KDM4C: variants seen among roughly 807,000 people sequenced by gnomAD.
The protein encoded by KDM4C is lysine demethylase 4C.
A neutral mutation model predicts 129.3 loss-of-function variants in KDM4C; 81 were observed. The ratio of observed to expected loss-of-function variants is 0.63; its 90% confidence interval spans 0.52 to 0.75. KDM4C has a LOEUF of 0.75. Among genes scored for constraint, KDM4C ranks in the 30% least tolerant of loss-of-function variants. The probability of loss-of-function intolerance (pLI) is 0.00; values close to 1 mark genes in which losing one functional copy is unlikely to be tolerated. For missense variants in KDM4C, 1,457 were observed against 1,304.0 expected, an observed-to-expected ratio of 1.12 and a Z score of -1.81; for synonymous variants, 573 against 456.1, an observed-to-expected ratio of 1.26 and a Z score of -3.26.
intron 17 of KDM4C, among the ~76,000 whole-genome samples, chr9:7,077,622 G>T (rs762803854): frequency 6.6e-6 from 1 of 152,158 alleles, no homozygotes; most frequent in Non-Finnish European, 1.5e-5. Context: ...TGGCTGTACT[G>T]CCTCTGGAAT....
chr9:6,934,708 C>T (rs1012446311), intron 8 of KDM4C, among the ~76,000 whole-genome samples: 9 of 151,552 alleles, frequency 5.9e-5, no homozygotes, highest in African/African-American at 1.9e-4. Flanking sequence ...GTGATCCGCC[C>T]ACCTCGGCCT....
At chr9:6,809,290 C>T (rs925268460) in intron 3 of KDM4C, among the ~76,000 whole-genome samples, 9 of 152,202 alleles carry the variant, frequency 5.9e-5, no homozygotes, top group African/African-American at 1.9e-4. Flanking sequence ...TTCTTTCAGA[C>T]TCTTCCAGAA....
chr9:7,030,886 G>C (rs941312089), intron 15 of KDM4C, among the ~76,000 whole-genome samples: 6 of 151,958 alleles, frequency 3.9e-5, no homozygotes, highest in Admixed American at 6.6e-5. Context: ...GCACTTTATA[G>C]GTTGGAATTC....
chr9:7,038,244 C>G (rs754245835), intron 15 of KDM4C, among the ~76,000 whole-genome samples: 3 of 151,952 alleles, frequency 2.0e-5, no homozygotes, highest in Non-Finnish European at 4.4e-5. Flanking sequence ...TTCTTTAATA[C>G]AAAGGAACTA....
rs540609066 is a variant in KDM4C at position 7,175,112 on chromosome 9, C to CTCTCTCTAGCTCT, written c.*383_*384insTCTCTCTAGCTCT. The CTCTCTCTAGCTCT allele has an allele frequency of 2.2e-4, 37 of 166,738 alleles. 1 individual carries two copies. The South Asian group carries it at 6.6e-3, about 30-fold the overall frequency. The allele number at this position is 166,738 out of a possible 1,614,324, so 10.3% of individuals were successfully genotyped here. The stretch of plus-strand genomic sequence containing the variant: ...CGGGGACCTCTCTCTCTAGCTCCAG[C>CTCTCTCTAGCTCT]AGGTGGCACCTCGGTACCCAGCGGG... On this transcript the variant is annotated 3_prime_UTR_variant, in exon 22 of 22. Transcript: ENST00000381309.
At chr9:6,914,962 T>C (rs572959007) in intron 8 of KDM4C, among the ~76,000 whole-genome samples, 5 of 152,302 alleles carry the variant, frequency 3.3e-5, no homozygotes, top group South Asian at 2.1e-4. Flanking sequence ...TAAGACAGAG[T>C]CTTTTTGATT....
chr9:7,096,294 T>G (rs994514604), intron 17 of KDM4C, among the ~76,000 whole-genome samples: 1 of 152,190 alleles, frequency 6.6e-6, no homozygotes, highest in Non-Finnish European at 1.5e-5. Context: ...GCCTTTAATA[T>G]TTAATTTCTT....
At chr9:6,766,348 G>A (rs951328790) in intron 1 of KDM4C, among the ~76,000 whole-genome samples, 13 of 151,996 alleles carry the variant, frequency 8.6e-5, no homozygotes, top group African/African-American at 3.1e-4. Flanking sequence ...CTCAACTTAT[G>A]TATGATAATC....
At chr9:6,813,317 C>G (rs183773122) in intron 3 of KDM4C, among the ~76,000 whole-genome samples, 1 of 152,296 alleles carries the variant, frequency 6.6e-6, no homozygotes, top group East Asian at 1.9e-4. Context: ...ATTATAGCCA[C>G]CATGCCCATC....
At chr9:7,168,585 G>A (rs1180418796) in intron 20 of KDM4C, among the ~76,000 whole-genome samples, 2 of 152,146 alleles carry the variant, frequency 1.3e-5, no homozygotes, top group East Asian at 3.8e-4. Context: ...TGCGAGAAAA[G>A]TTTTAAACAT....
At chr9:6,998,014 T>C (rs1463828613) in intron 12 of KDM4C, among the ~76,000 whole-genome samples, 2 of 152,240 alleles carry the variant, frequency 1.3e-5, no homozygotes, top group East Asian at 3.8e-4. Flanking sequence ...ATATTGGCAA[T>C]ATTCAGATTA....
In KDM4C at chr9:6,968,890, T is replaced by C. The variant is rs868714447; in HGVS notation, c.922-12035T>C. On this transcript the variant is annotated intron_variant, in intron 8 of 21. Coordinates refer to ENST00000381309, the MANE Select transcript of KDM4C (RefSeq NM_015061.6). ...TTTTAGTTTGAGTGTTTAAAATTTTTATATTGGTTCTGGGATATTGGAATA... is the reference window on the plus strand; with the variant it reads ...TTTTAGTTTGAGTGTTTAAAATTTTCATATTGGTTCTGGGATATTGGAATA... Among the ~76,000 whole-genome samples the C allele has an allele frequency of 2.6e-5, 4 of 152,328 alleles. No homozygotes were observed. The South Asian group carries it at 8.3e-4, about 32-fold the overall frequency.
intron 8 of KDM4C, among the ~76,000 whole-genome samples, chr9:6,954,289 G>C (rs922598804): frequency 3.3e-5 from 5 of 152,064 alleles, no homozygotes; most frequent in African/African-American, 1.2e-4. Flanking sequence ...CTTAGTACTC[G>C]GTCACGTCAA....
intron 12 of KDM4C, among the ~76,000 whole-genome samples, chr9:6,998,202 A>G (rs1305561541): frequency 1.3e-5 from 2 of 152,322 alleles, no homozygotes; most frequent in Admixed American, 6.5e-5. Flanking sequence ...GGATTAGATT[A>G]AGAGTGTATT....
intron 15 of KDM4C, among the ~76,000 whole-genome samples, chr9:7,031,686 GTA>G (rs1214908279): frequency 1.3e-5 from 2 of 151,756 alleles, no homozygotes; most frequent in African/African-American, 2.4e-5. Context: ...ATGTGTGTGT[GTA>G]TGTGTGTGTG....
intron 8 of KDM4C, among the ~76,000 whole-genome samples, chr9:6,938,560 C>T (rs888133876): frequency 2.6e-5 from 4 of 152,096 alleles, no homozygotes; most frequent in Admixed American, 6.5e-5. Flanking sequence ...GCTTTTTAGT[C>T]GGTGAAGCCA....
intron 2 of KDM4C, among the ~76,000 whole-genome samples, chr9:6,803,875 G>A (rs140387144): frequency 0.012 from 1,836 of 152,202 alleles, 35 homozygotes; most frequent in African/African-American, 0.041. Context: ...AGACTGGAGT[G>A]CAGTGGTGTG....
At chr9:7,139,484 A>T (rs1841531225) in intron 19 of KDM4C, among the ~76,000 whole-genome samples, 1 of 152,312 alleles carries the variant, frequency 6.6e-6, no homozygotes, top group East Asian at 1.9e-4. Context: ...TGAAATACAG[A>T]CTATAAGAGA....
chr9:6,787,271 T>C (rs1267747227), intron 1 of KDM4C, among the ~76,000 whole-genome samples: 1 of 152,232 alleles, frequency 6.6e-6, no homozygotes, highest in Non-Finnish European at 1.5e-5. Flanking sequence ...CTTTATCTGT[T>C]GCCCAGGCTA....
Sources: gnomAD v4.1 joint callset for allele counts (sites outside exome capture counted in the v4.1 genomes callset) on GRCh38, gnomAD v4.1.1 for gene constraint, MANE v1.5 for transcripts, NCBI Gene and HGNC (gene_info 2026-07-23, HGNC 2026-07-21) for gene names.